Variants in FBXL20 observed in about 807,000 individuals in gnomAD.
FBXL20 encodes F-box and leucine rich repeat protein 20, also known as F-box/LRR-repeat protein 20.
In FBXL20, 11 loss-of-function variants were observed where a neutral mutation model predicts 64.0. The observed-to-expected ratio is 0.17, with a 90% CI of 0.11 to 0.28. The LOEUF (loss-of-function observed/expected upper bound fraction) is 0.28. Among genes scored for constraint, FBXL20 ranks in the 10% least tolerant of loss-of-function variants. The pLI is 1.00. For missense variants in FBXL20, 303 were observed against 526.2 expected (o/e 0.58, Z 4.15); for synonymous variants, 184 against 189.0 (o/e 0.97, Z 0.22).
At position 39,301,055 on chromosome 17, in the gene FBXL20, C is replaced by T. The variant is rs747761649; in HGVS notation, c.180G>A (p.Leu60=). 1.2e-6 allele frequency: 2 copies of T among 1,613,874 alleles called. No homozygotes were observed. Among genetic ancestry groups the T allele is most frequent in the East Asian group, 2.2e-5 (1 of 44,874 alleles). Reference sequence around the variant, plus strand: ...CAATTCGCTGCCAGTTACTGCCATCCAGAGCCAGAACATTCCAGGCCTATT... The same window carrying T: ...CAATTCGCTGCCAGTTACTGCCATCTAGAGCCAGAACATTCCAGGCCTATT... ...QVSRAWNVLA[L]DGSNWQRIDL... is the part of the protein sequence containing the mutation. Residue 60 remains leucine, a synonymous_variant, in exon 4 of 15, where the codon CTG becomes CTA. Transcript: ENST00000264658.
chr17:39,262,575 CTGGCCTAGAGGT>C (rs2046756491), intron 14 of FBXL20, among the ~76,000 whole-genome samples: 1 of 152,134 alleles, frequency 6.6e-6, no homozygotes, highest in African/African-American at 2.4e-5. Context: ...GCCACCGCGA[CTGGCCTAGAGGT>C]TGGTATTAAG....
intron 1 of FBXL20, among the ~76,000 whole-genome samples, chr17:39,349,960 C>T (rs1055104863): frequency 6.6e-6 from 1 of 150,470 alleles, no homozygotes; most frequent in Non-Finnish European, 1.5e-5. Context: ...AAGATGCAGT[C>T]AAAACTTTGT....
At chr17:39,369,419 A>G (rs571835116) in intron 1 of FBXL20, among the ~76,000 whole-genome samples, 26 of 151,940 alleles carry the variant, frequency 1.7e-4, no homozygotes, top group Admixed American at 7.2e-4. Flanking sequence ...TACCAGGCCC[A>G]GGTAATATTT....
At chr17:39,365,192 T>G (rs2047847704) in intron 1 of FBXL20, among the ~76,000 whole-genome samples, 1 of 152,228 alleles carries the variant, frequency 6.6e-6, no homozygotes, top group Non-Finnish European at 1.5e-5. Flanking sequence ...TTTAAATGTG[T>G]ATTTTTCCTA....
At position 39,257,376 on chromosome 17, in the gene FBXL20, A is replaced by G. The variant is rs2046705160; in HGVS notation, c.*4084T>C. 1 of 152,232 alleles carries G rather than the reference A, an allele frequency of 6.6e-6. No individual in the cohort carries two copies. The highest frequency in any genetic ancestry group is 6.5e-5 in the Admixed American group (1 of 15,280). The allele number at this position is 152,232 out of a possible 1,614,324, so 9.4% of individuals were successfully genotyped here. On this transcript the variant is annotated 3_prime_UTR_variant, in exon 15 of 15. Coordinates refer to ENST00000264658, the MANE Select transcript of FBXL20 (RefSeq NM_032875.3). ...TCATAAATTTACTAGGTTTCCCTAT[A>G]AAATGTTTGATACAAGGGATATGTG...
intron 1 of FBXL20, among the ~76,000 whole-genome samples, chr17:39,365,611 T>C (rs2047851692): frequency 6.6e-6 from 1 of 150,928 alleles, no homozygotes; most frequent in South Asian, 2.1e-4. Flanking sequence ...CAAACCTATG[T>C]CCACTACCAA....
At chr17:39,286,709 A>G (rs139843141) in intron 6 of FBXL20, among the ~76,000 whole-genome samples, 5,697 of 151,700 alleles carry the variant, frequency 0.038, 136 homozygotes, top group Non-Finnish European at 0.057. Flanking sequence ...GAGGCAGAAG[A>G]ATGGCTTGAG....
chr17:39,296,550 ACT>A (rs1450703428), intron 6 of FBXL20, among the ~76,000 whole-genome samples: 2 of 130,386 alleles, frequency 1.5e-5, no homozygotes, highest in South Asian at 2.4e-4. Context: ...ACAGAGCGAG[ACT>A]CTGTCTCAAA....
intron 1 of FBXL20, among the ~76,000 whole-genome samples, chr17:39,361,667 C>T (rs1200009496): frequency 3.3e-5 from 5 of 151,684 alleles, no homozygotes; most frequent in South Asian, 2.1e-4. Flanking sequence ...TGTGGTGGCA[C>T]GCGCCTGTAG....
intron 9 of FBXL20, among the ~76,000 whole-genome samples, chr17:39,276,440 G>A (rs2046895592): frequency 6.6e-6 from 1 of 151,710 alleles, no homozygotes; most frequent in South Asian, 2.1e-4. Flanking sequence ...GGAGGCGGAG[G>A]CGGGTGGATC....
chr17:39,378,104 C>T (rs1183398512), intron 1 of FBXL20, among the ~76,000 whole-genome samples: 2 of 152,148 alleles, frequency 1.3e-5, no homozygotes, highest in Non-Finnish European at 2.9e-5. Context: ...TTGGGAAAGA[C>T]ACTAAACAAA....
At chr17:39,306,734 T>C (rs1393524201) in intron 2 of FBXL20, among the ~76,000 whole-genome samples, 2 of 152,202 alleles carry the variant, frequency 1.3e-5, no homozygotes, top group Admixed American at 6.5e-5. Context: ...ACTGAACTGG[T>C]TTCAAGAATC....
intron 2 of FBXL20, among the ~76,000 whole-genome samples, chr17:39,317,711 T>G (rs1488676359): frequency 1.9e-5 from 2 of 106,586 alleles, no homozygotes; most frequent in Non-Finnish European, 3.6e-5. Flanking sequence ...GTTTTTTTTT[T>G]TTTTTTTTGA....
chr17:39,284,401 G>A (rs1462110009), intron 7 of FBXL20, among the ~76,000 whole-genome samples: 1 of 152,094 alleles, frequency 6.6e-6, no homozygotes, highest in Non-Finnish European at 1.5e-5. Flanking sequence ...TTTTTCTTGA[G>A]ATGAGGTCTC....
intron 1 of FBXL20, among the ~76,000 whole-genome samples, chr17:39,344,633 A>G (rs952431093): frequency 6.6e-6 from 1 of 151,318 alleles, no homozygotes; most frequent in Non-Finnish European, 1.5e-5. Flanking sequence ...TAAAAATACA[A>G]AAAAAAGTAC....
At chr17:39,323,239 G>C (rs1160167357) in intron 2 of FBXL20, among the ~76,000 whole-genome samples, 2 of 152,096 alleles carry the variant, frequency 1.3e-5, no homozygotes, top group Admixed American at 1.3e-4. Flanking sequence ...AAAGTGCTGG[G>C]ATTACAGGTG....
At chr17:39,313,275 C>A (rs2047253464) in intron 2 of FBXL20, among the ~76,000 whole-genome samples, 1 of 150,832 alleles carries the variant, frequency 6.6e-6, no homozygotes, top group Non-Finnish European at 1.5e-5. Flanking sequence ...ACTCTATTGC[C>A]CAGGCTGGGG....
At chr17:39,333,454 T>C (rs1034424918) in intron 2 of FBXL20, among the ~76,000 whole-genome samples, 1 of 152,212 alleles carries the variant, frequency 6.6e-6, no homozygotes, top group African/African-American at 2.4e-5. Context: ...GTGCTCAATG[T>C]TGCCCAGGCT....
intron 6 of FBXL20, among the ~76,000 whole-genome samples, chr17:39,292,754 G>A (rs1204212321): frequency 6.6e-6 from 1 of 150,390 alleles, no homozygotes; most frequent in East Asian, 1.9e-4. Context: ...TTTTGGTTTT[G>A]GGTCACATTT....
Sources: gnomAD v4.1 joint callset for allele counts (sites outside exome capture counted in the v4.1 genomes callset) on GRCh38, gnomAD v4.1.1 for gene constraint, MANE v1.5 for transcripts, NCBI Gene and HGNC (gene_info 2026-07-23, HGNC 2026-07-21) for gene names.